Variants in RARB observed in about 807,000 individuals in gnomAD.
RARB encodes HBV-activated protein.
RARB carries 17 observed loss-of-function variants against 51.9 expected under a neutral mutation model. The ratio of observed to expected loss-of-function variants is 0.33; its 90% CI spans 0.22 to 0.49. The LOEUF (loss-of-function observed/expected upper bound fraction) is 0.49. Ranked by LOEUF, RARB falls within the 20% of genes least tolerant of loss-of-function variation. RARB has a pLI of 0.99. For synonymous variants in RARB, 215 were observed against 195.4 expected, an observed-to-expected ratio of 1.10 and a Z score of -0.84; for missense variants, 369 against 550.8, an observed-to-expected ratio of 0.67 and a Z score of 3.30.
At chr3:25,047,190 G>A (rs1034978951) in intron 2 of RARB, among the ~76,000 whole-genome samples, 1 of 152,060 alleles carries the variant, frequency 6.6e-6, no homozygotes, top group African/African-American at 2.4e-5. Flanking sequence ...CTATCCATTG[G>A]GTAATTAGGT....
chr3:25,466,587 C>T (rs764029098), intron 2 of RARB, among the ~76,000 whole-genome samples: 15 of 152,174 alleles, frequency 9.9e-5, no homozygotes, highest in Non-Finnish European at 1.8e-4. Context: ...TTGTAGTGTT[C>T]TTTCTGCAGT....
intron 2 of RARB, among the ~76,000 whole-genome samples, chr3:24,918,724 C>T (rs1329472107): frequency 6.6e-6 from 1 of 152,092 alleles, no homozygotes; most frequent in African/African-American, 2.4e-5. Flanking sequence ...AACCCTGTCT[C>T]TACTAAAACT....
chr3:25,169,278 C>G (rs1353518558), intron 4 of RARB, among the ~76,000 whole-genome samples: 1 of 152,020 alleles, frequency 6.6e-6, no homozygotes, highest in African/African-American at 2.4e-5. Context: ...AAGAGAGAAG[C>G]AATAATAGAA....
chr3:25,121,179 G>C (rs1409634388), intron 3 of RARB, among the ~76,000 whole-genome samples: 2 of 152,152 alleles, frequency 1.3e-5, no homozygotes, highest in East Asian at 1.9e-4. Context: ...TCTGACTTAA[G>C]TCTCAAAGGG....
intron 5 of RARB, among the ~76,000 whole-genome samples, chr3:25,208,619 A>C (rs1701618704): frequency 6.6e-6 from 1 of 151,940 alleles, no homozygotes; most frequent in Non-Finnish European, 1.5e-5. Flanking sequence ...TTTTTTTTCT[A>C]GAAAAGAGAA....
At chr3:25,567,100 T>A (rs1700527009) in intron 3 of RARB, among the ~76,000 whole-genome samples, 1 of 152,218 alleles carries the variant, frequency 6.6e-6, no homozygotes, top group Non-Finnish European at 1.5e-5. Context: ...TATTTAGCGA[T>A]GTGTCACCTC....
intron 4 of RARB, among the ~76,000 whole-genome samples, chr3:25,132,504 T>C (rs1699969338): frequency 6.6e-6 from 1 of 151,938 alleles, no homozygotes; most frequent in Non-Finnish European, 1.5e-5. Context: ...CCTTATTATA[T>C]GCTAGGCATT....
chr3:24,977,923 A>G (rs965166023), intron 2 of RARB, among the ~76,000 whole-genome samples: 3 of 152,126 alleles, frequency 2.0e-5, no homozygotes, highest in Admixed American at 1.3e-4. Context: ...TTTGAGATGC[A>G]TTCCATCAGT....
At chr3:25,226,558 ATAATC>A (rs1473789194) in intron 5 of RARB, among the ~76,000 whole-genome samples, 14 of 152,330 alleles carry the variant, frequency 9.2e-5, no homozygotes, top group African/African-American at 3.1e-4. Context: ...ATGTCTTAAT[ATAATC>A]TATACCACAT....
chr3:25,350,986 A>G lies in RARB; in HGVS notation c.179-110207A>G, dbSNP rs773020784. Among the ~76,000 whole-genome samples the G allele has an allele frequency of 3.3e-5, 5 of 152,198 alleles. No individual in the cohort carries two copies. The South Asian group carries it at 8.3e-4, about 25-fold the overall frequency. ...AGCCTCCAGTTCCTTTATTTGGCCA[A>G]TTAGGCTTTGTGCTCCCGTTTCCGA... On this transcript the variant is annotated intron_variant, in intron 5 of 11. Coordinates refer to the RARB transcript ENST00000383772.
At chr3:24,863,196 G>C (rs1485849070) in intron 2 of RARB, among the ~76,000 whole-genome samples, 1 of 152,170 alleles carries the variant, frequency 6.6e-6, no homozygotes, top group Non-Finnish European at 1.5e-5. Flanking sequence ...CAGACAAATG[G>C]CTTGTGAAAA....
intron 3 of RARB, among the ~76,000 whole-genome samples, chr3:25,123,543 G>A (rs1405749496): frequency 6.6e-6 from 1 of 152,172 alleles, no homozygotes; most frequent in Non-Finnish European, 1.5e-5. Context: ...TCCCCTGTGG[G>A]AGAAAAGCAA....
At chr3:25,183,606 A>G (rs1012290140) in intron 5 of RARB, among the ~76,000 whole-genome samples, 3 of 152,202 alleles carry the variant, frequency 2.0e-5, no homozygotes, top group African/African-American at 7.2e-5. Flanking sequence ...TATTGGTGGC[A>G]GTGATCTTAT....
At chr3:25,491,012 G>C (rs1286651) in intron 2 of RARB, among the ~76,000 whole-genome samples, 79,799 of 151,894 alleles carry the variant, frequency 0.53, 22,800 homozygotes, top group African/African-American at 0.76. Context: ...AAAGTAGTCC[G>C]CAAGATATCA....
intron 1 of RARB, among the ~76,000 whole-genome samples, chr3:25,447,748 G>T (rs1709011161): frequency 6.6e-6 from 1 of 152,138 alleles, no homozygotes; most frequent in Non-Finnish European, 1.5e-5. Flanking sequence ...ATGCCTGTGG[G>T]CCTGGGAAGG....
intron 2 of RARB, among the ~76,000 whole-genome samples, chr3:24,916,726 A>T (rs913749829): frequency 7.2e-6 from 1 of 138,146 alleles, no homozygotes; most frequent in African/African-American, 2.7e-5. Context: ...ATATACATCT[A>T]TTCTATGGCA....
chr3:25,060,117 T>C (rs962386928), intron 2 of RARB: 5 of 151,820 alleles, frequency 3.3e-5, no homozygotes, highest in African/African-American at 4.8e-5. Flanking sequence ...CAGCCACTTA[T>C]TTTACAGATA....
At chr3:24,981,697 T>A (rs1696677772) in intron 2 of RARB, among the ~76,000 whole-genome samples, 1 of 152,074 alleles carries the variant, frequency 6.6e-6, no homozygotes, top group Non-Finnish European at 1.5e-5. Flanking sequence ...CCTCACAGCT[T>A]CCCTTGGTTA....
chr3:25,430,352 T>C (rs1708152354), intron 1 of RARB, among the ~76,000 whole-genome samples: 1 of 152,246 alleles, frequency 6.6e-6, no homozygotes, highest in Non-Finnish European at 1.5e-5. Context: ...GTCCTCTTTG[T>C]AGCAATTAAA....
Sources: allele counts gnomAD v4.1 joint callset (sites outside exome capture counted in the v4.1 genomes callset), GRCh38; gene constraint gnomAD v4.1.1; transcripts MANE v1.5; gene names NCBI Gene and HGNC (gene_info 2026-07-23, HGNC 2026-07-21).